GLT1D1: variants seen among roughly 807,000 people sequenced by gnomAD.
GLT1D1 encodes glycosyltransferase 1 domain-containing protein 1.
GLT1D1 carries 21 observed loss-of-function variants against 28.7 expected under a neutral mutation model. The observed-to-expected ratio is 0.73, with a 90% CI of 0.52 to 1.05. GLT1D1 has a LOEUF of 1.05. Ranked by LOEUF, GLT1D1 falls within the 50% of genes least tolerant of loss-of-function variation. GLT1D1 has a pLI of 0.00. For missense variants in GLT1D1, 343 were observed against 330.6 expected (o/e 1.04, Z -0.29); for synonymous variants, 147 against 124.8 (o/e 1.18, Z -1.19).
intron 4 of GLT1D1, among the ~76,000 whole-genome samples, chr12:128,904,323 TTG>T (rs1870610458): frequency 6.6e-6 from 1 of 151,828 alleles, no homozygotes; most frequent in Admixed American, 6.6e-5. Flanking sequence ...CAGGTAACTT[TTG>T]TATTGGCAGA....
chr12:128,945,373 A>T lies in GLT1D1; in HGVS notation c.419+4A>T. 6.2e-7 allele frequency: 1 copy of T among 1,613,128 alleles called. No individual in the cohort carries two copies. On this transcript the variant is annotated splice_donor_region_variant and intron_variant, in intron 5 of 7. Transcript: ENST00000281703. ...AAGTGAAAGCCAAAGTGAAAAGGTA[A>T]GAGTTGGTGGAGACCAGTCATTTTG... is the stretch of plus-strand genomic sequence containing the variant.
At chr12:128,956,637 C>T (rs577384893) in intron 6 of GLT1D1, among the ~76,000 whole-genome samples, 2 of 152,078 alleles carry the variant, frequency 1.3e-5, no homozygotes, top group South Asian at 2.1e-4. Context: ...TTTCTAATTC[C>T]GCTCTTCTAT....
In GLT1D1 at chr12:128,948,479, A is replaced by G. The variant is rs75070560; in HGVS notation, c.540+1021A>G. Among the ~76,000 whole-genome samples, 1,319 of 152,210 alleles carry G rather than the reference A, an allele frequency of 8.7e-3. 23 individuals carry two copies. Among genetic ancestry groups the G allele is most frequent in the African/African-American group, 0.028 (1,180 of 41,526 alleles). On this transcript the variant is annotated intron_variant, in intron 6 of 7. Coordinates refer to ENST00000281703, the MANE Select transcript of GLT1D1 (RefSeq NM_144669.3). ...TCCCTTGGTGGTTCTCAGCACACACACTGCACACGACAGACATGGCGTAAA... is the reference window on the plus strand; with the variant it reads ...TCCCTTGGTGGTTCTCAGCACACACGCTGCACACGACAGACATGGCGTAAA...
At chr12:128,952,773 CTTTTTTTT>C (rs71072430) in intron 6 of GLT1D1, among the ~76,000 whole-genome samples, 5 of 58,936 alleles carry the variant, frequency 8.5e-5, no homozygotes, top group Admixed American at 3.3e-4. Flanking sequence ...CCGTGACTGG[CTTTTTTTT>C]TTTTTTTTTT....
chr12:128,872,543 G>A (rs892464010), intron 1 of GLT1D1, among the ~76,000 whole-genome samples: 1 of 152,094 alleles, frequency 6.6e-6, no homozygotes, highest in South Asian at 2.1e-4. Context: ...GGAGTGGAGT[G>A]CACTTCTGCC....
At chr12:128,864,066 C>A in intron 1 of GLT1D1, 1 of 563,838 alleles carries the variant, frequency 1.8e-6, no homozygotes, top group Non-Finnish European at 3.2e-6. Flanking sequence ...TGGCTTGTGC[C>A]GCTGTGTGCA....
chr12:128,973,379 G>C (rs1879419868), intron 7 of GLT1D1, among the ~76,000 whole-genome samples: 1 of 140,152 alleles, frequency 7.1e-6, no homozygotes, highest in Non-Finnish European at 1.5e-5. Context: ...TTTTTGTAGA[G>C]ACGGGGTTTC....
At chr12:128,881,329 G>A (rs1232315381) in intron 2 of GLT1D1, among the ~76,000 whole-genome samples, 1 of 148,386 alleles carries the variant, frequency 6.7e-6, no homozygotes, top group Non-Finnish European at 1.5e-5. Context: ...TTAAGATTTC[G>A]AGATTAGCCT....
chr12:128,902,661 T>C (rs1870412642), intron 4 of GLT1D1, among the ~76,000 whole-genome samples: 1 of 151,622 alleles, frequency 6.6e-6, no homozygotes, highest in Non-Finnish European at 1.5e-5. Flanking sequence ...CAGGATTTTC[T>C]TTATAGACCT....
At chr12:128,929,458 T>C (rs1873637149) in intron 4 of GLT1D1, among the ~76,000 whole-genome samples, 3 of 152,210 alleles carry the variant, frequency 2.0e-5, no homozygotes, top group Admixed American at 2.0e-4. Context: ...TTCCGGTCCC[T>C]AAAGCAGCAG....
In GLT1D1 at chr12:128,929,077, G is replaced by T. The variant is rs141968076; in HGVS notation, c.376-16249G>T. Among the ~76,000 whole-genome samples the T allele has an allele frequency of 2.3e-3, 350 of 152,270 alleles. 2 individuals carry two copies. The highest frequency in any genetic ancestry group is 7.6e-3 in the African/African-American group (315 of 41,546). On this transcript the variant is annotated intron_variant, in intron 4 of 7. Transcript: ENST00000281703. Reference sequence around the variant, plus strand: ...ATGAGGGCAGATTTGTGCCCATTAGGGAGGCCCCGGAGAGCTGCCTCGCCC... The same window carrying T: ...ATGAGGGCAGATTTGTGCCCATTAGTGAGGCCCCGGAGAGCTGCCTCGCCC...
chr12:128,857,683 C>T (rs993692887), intron 1 of GLT1D1, among the ~76,000 whole-genome samples: 1 of 152,144 alleles, frequency 6.6e-6, no homozygotes, highest in African/African-American at 2.4e-5. Flanking sequence ...CTTCAACTGA[C>T]CCTGGACACT....
At chr12:128,875,672 C>T (rs745458031) in intron 1 of GLT1D1, among the ~76,000 whole-genome samples, 18 of 152,212 alleles carry the variant, frequency 1.2e-4, no homozygotes, top group Middle Eastern at 3.4e-3. Context: ...GTGGTGCACA[C>T]GTGTAGTCTC....
intron 4 of GLT1D1, among the ~76,000 whole-genome samples, chr12:128,931,923 A>ACG (rs375272650): frequency 5.1e-4 from 71 of 140,370 alleles, no homozygotes; most frequent in Admixed American, 4.2e-3. Context: ...GCACGCACAC[A>ACG]CACACACACA....
At chr12:128,981,130 C>T (rs1565931040) in intron 7 of GLT1D1, among the ~76,000 whole-genome samples, 2 of 152,336 alleles carry the variant, frequency 1.3e-5, no homozygotes, top group Non-Finnish European at 2.9e-5. Flanking sequence ...TTCTGCCACT[C>T]ATCCAGGGTT....
At chr12:128,956,052 G>A (rs914316378) in intron 6 of GLT1D1, among the ~76,000 whole-genome samples, 1 of 150,366 alleles carries the variant, frequency 6.7e-6, no homozygotes, top group Non-Finnish European at 1.5e-5. Flanking sequence ...CCAGCTACTC[G>A]GGAGGCTGAG....
intron 7 of GLT1D1, among the ~76,000 whole-genome samples, chr12:128,974,148 A>C (rs1163544443): frequency 6.6e-6 from 1 of 152,144 alleles, no homozygotes; most frequent in African/African-American, 2.4e-5. Context: ...CCAAATTCCT[A>C]GTTCCTTTTC....
intron 4 of GLT1D1, among the ~76,000 whole-genome samples, chr12:128,917,124 C>G (rs1872181462): frequency 6.6e-6 from 1 of 152,070 alleles, no homozygotes; most frequent in South Asian, 2.1e-4. Flanking sequence ...TTGAATTGCT[C>G]TGGTGCCTTC....
At position 128,912,528 on chromosome 12, in the gene GLT1D1, A is replaced by T. The variant is rs556746694; in HGVS notation, c.375+13241A>T. The T allele has an allele frequency of 6.9e-4, 495 of 712,476 alleles. 1 individual carries two copies. Among genetic ancestry groups the T allele is most frequent in the Non-Finnish European group, 9.7e-4 (440 of 452,298 alleles). 44.1% of individuals were successfully genotyped at this position (712,476 alleles called of 1,614,324 possible). On this transcript the variant is annotated intron_variant, in intron 4 of 7. Transcript: ENST00000281703. ...AGAATGAATATATCAAAATAGATGCATATTTATATGTGATAAATATATATA... is the reference window on the plus strand; with the variant it reads ...AGAATGAATATATCAAAATAGATGCTTATTTATATGTGATAAATATATATA...
Sources: allele counts gnomAD v4.1 joint callset (sites outside exome capture counted in the v4.1 genomes callset), GRCh38; gene constraint gnomAD v4.1.1; transcripts MANE v1.5; gene names NCBI Gene and HGNC (gene_info 2026-07-23, HGNC 2026-07-21).